Variants in MALRD1 observed in about 807,000 individuals in gnomAD.
MALRD1 encodes the protein MAM and LDL-receptor class A domain-containing protein 1.
Under a neutral mutation model 242.1 loss-of-function variants are expected in MALRD1, and 247 were observed. That is an observed-to-expected ratio of 1.02 (90% CI 0.92 to 1.13). The LOEUF is 1.13. Ranked by LOEUF, MALRD1 falls within the 50% of genes most tolerant of loss-of-function variation. MALRD1 has a pLI of 0.00. For synonymous variants in MALRD1, 995 were observed against 866.6 expected (o/e 1.15, Z -2.60); for missense variants, 2,989 against 2,533.1 (o/e 1.18, Z -3.86).
At position 19,289,065 on chromosome 10, in the gene MALRD1, A is replaced by T. The variant is rs180683453; in HGVS notation, c.3419+5884A>T. Among the ~76,000 whole-genome samples the T allele has an allele frequency of 1.8e-3, 276 of 151,938 alleles. 1 individual carries two copies. Among genetic ancestry groups the T allele is most frequent in the African/African-American group, 6.3e-3 (260 of 41,438 alleles). ...TTAATTTTTAAAGTTTTTTATTCAA[A>T]ATTTTTTTCTTTAATTTTTTTCCTT... On this transcript the variant is annotated intron_variant, in intron 21 of 39. Transcript: ENST00000454679.
chr10:19,562,297 G>GTAGATAGACAGATAGA (rs1554800905), intron 32 of MALRD1, among the ~76,000 whole-genome samples: 12 of 144,650 alleles, frequency 8.3e-5, no homozygotes, highest in African/African-American at 3.1e-4. Flanking sequence ...GCTGTCTTAG[G>GTAGATAGACAGATAGA]TAGATAGATA....
At chr10:19,490,001 A>G (rs925520996) in intron 29 of MALRD1, among the ~76,000 whole-genome samples, 2 of 152,182 alleles carry the variant, frequency 1.3e-5, no homozygotes, top group South Asian at 2.1e-4. Context: ...TGTAGGTAAC[A>G]GCTTATCAAC....
intron 10 of MALRD1, among the ~76,000 whole-genome samples, chr10:19,141,954 C>G (rs1054689904): frequency 6.6e-6 from 1 of 151,764 alleles, no homozygotes; most frequent in Non-Finnish European, 1.5e-5. Context: ...GGGTGGATCA[C>G]GAGGTCAGGA....
intron 18 of MALRD1, among the ~76,000 whole-genome samples, chr10:19,255,434 C>T (rs1046994604): frequency 6.6e-6 from 1 of 151,868 alleles, no homozygotes; most frequent in African/African-American, 2.4e-5. Context: ...TGGTCATTTT[C>T]TCAGGACTAC....
intron 36 of MALRD1, among the ~76,000 whole-genome samples, chr10:19,618,698 A>G (rs1194508082): frequency 6.6e-6 from 1 of 151,910 alleles, no homozygotes; most frequent in Non-Finnish European, 1.5e-5. Context: ...TCTTCTTGTA[A>G]ATTTGAAACC....
chr10:19,661,376 G>A (rs948869171), intron 36 of MALRD1, among the ~76,000 whole-genome samples: 25 of 152,116 alleles, frequency 1.6e-4, no homozygotes, highest in Non-Finnish European at 3.4e-4. Context: ...CAAAGACTTG[G>A]AACCAACCCA....
At position 19,123,562 on chromosome 10, in the gene MALRD1, C is replaced by A. The variant is rs915898898; in HGVS notation, c.765C>A (p.Cys255Ter). 26 of 1,233,288 alleles carry A rather than the reference C, an allele frequency of 2.1e-5. No individual in the cohort carries two copies. The highest frequency in any genetic ancestry group is 3.1e-5 in the African/African-American group (2 of 64,462). The allele number at this position is 1,233,288 out of a possible 1,614,324, so 76.4% of individuals were successfully genotyped here. ...TATGCCATCCAGATACAGATCTCTG[C>A]AGATTTGATGCTACAGATGAAGAGT... Reference protein sequence around the residue: ...RELCHPDTDLCRFDATDEELR... With the variant: ...RELCHPDTDL Residue 255 changes from cysteine to a stop codon, truncating the protein, a stop_gained, in exon 6 of 40, where the codon TGC becomes TGA. Transcript: ENST00000454679. LOFTEE classifies it high-confidence loss of function.
At chr10:19,104,096 T>G in intron 5 of MALRD1, 21 bp downstream of exon 5, 1 of 1,184,332 alleles carries the variant, frequency 8.4e-7, no homozygotes, top group Non-Finnish European at 1.1e-6. Flanking sequence ...TTTCTCTCAT[T>G]TTGATCTTTA....
At chr10:19,617,510 A>G (rs752280921) in intron 36 of MALRD1, among the ~76,000 whole-genome samples, 5 of 152,050 alleles carry the variant, frequency 3.3e-5, no homozygotes, top group Non-Finnish European at 7.4e-5. Flanking sequence ...CTTTGTCCAT[A>G]TTGTAATAGC....
At chr10:19,458,540 G>T (rs1333451203) in intron 29 of MALRD1, among the ~76,000 whole-genome samples, 1 of 152,130 alleles carries the variant, frequency 6.6e-6, no homozygotes, top group Non-Finnish European at 1.5e-5. Flanking sequence ...AACAGATGCT[G>T]TCTTTTTGAA....
intron 12 of MALRD1, 79 bp from the exon 13 acceptor site, chr10:19,165,558 G>T (rs951567757): frequency 6.5e-5 from 72 of 1,109,556 alleles, no homozygotes; most frequent in Non-Finnish European, 8.0e-5. Flanking sequence ...CTGAGGTCAG[G>T]AATATTTCAA....
At chr10:19,057,193 CT>C (rs1195331264) in intron 1 of MALRD1, among the ~76,000 whole-genome samples, 1 of 152,130 alleles carries the variant, frequency 6.6e-6, no homozygotes, top group Admixed American at 6.6e-5. Flanking sequence ...CATAAAATGA[CT>C]TTTTACCTAT....
chr10:19,154,984 T>G, intron 11 of MALRD1, 91 bp from the exon 12 acceptor site: 1 of 628,228 alleles, frequency 1.6e-6, no homozygotes, highest in Non-Finnish European at 2.3e-6. Context: ...AATTGATAGT[T>G]TAGCATGTGC....
At chr10:19,526,918 C>T (rs1371897568) in intron 31 of MALRD1, among the ~76,000 whole-genome samples, 1 of 152,050 alleles carries the variant, frequency 6.6e-6, no homozygotes, top group Non-Finnish European at 1.5e-5. Context: ...GTGACATTTA[C>T]TGGGGAAAAT....
intron 21 of MALRD1, among the ~76,000 whole-genome samples, chr10:19,294,604 A>T (rs1426719419): frequency 6.6e-6 from 1 of 152,298 alleles, no homozygotes; most frequent in South Asian, 2.1e-4. Flanking sequence ...TTACTGAAAG[A>T]GTGGTCCACT....
chr10:19,428,514 T>C (rs543680490), intron 28 of MALRD1, among the ~76,000 whole-genome samples: 1 of 152,198 alleles, frequency 6.6e-6, no homozygotes, highest in East Asian at 1.9e-4. Flanking sequence ...TTTTCCTTCA[T>C]AAACACCACC....
Position 19,146,278 on chromosome 10 carries a change from A to G in MALRD1, c.1492A>G (p.Met498Val). The G allele has an allele frequency of 8.1e-7, 1 of 1,231,660 alleles. No individual in the cohort carries two copies. The highest frequency in any genetic ancestry group is 1.0e-6 in the Non-Finnish European group (1 of 987,920). 76.3% of individuals were successfully genotyped at this position (1,231,660 alleles called of 1,614,324 possible). A position where few individuals can be genotyped will look rare whatever the true frequency, so the allele number is the denominator to read the frequency against. Residue 498 changes from methionine to valine, a missense_variant, in exon 11 of 40, where the codon ATG (methionine) becomes GTG (valine). Met to Val is a conservative substitution (Grantham distance 21, BLOSUM62 1). Coordinates refer to ENST00000454679, the MANE Select transcript of MALRD1 (RefSeq NM_001142308.3). ...CACAGAAGATTCACACTGGAAGCTG[A>G]TGAAAGGATTGAATAATGGAGAGCA... ...FLTEDSHWKL[M>V]KGLNNGEHHF... is the part of the protein sequence containing the mutation.
intron 38 of MALRD1, among the ~76,000 whole-genome samples, chr10:19,719,167 T>C (rs892714761): frequency 9.1e-5 from 8 of 87,452 alleles, no homozygotes; most frequent in African/African-American, 5.1e-4. Context: ...TATATATATA[T>C]ATACATACAT....
At chr10:19,073,475 G>T (rs1052687558) in intron 2 of MALRD1, among the ~76,000 whole-genome samples, 6 of 151,988 alleles carry the variant, frequency 3.9e-5, no homozygotes, top group African/African-American at 1.4e-4. Context: ...CTTTTTGAGG[G>T]CAAATATGAT....
Sources: allele counts gnomAD v4.1 joint callset (sites outside exome capture counted in the v4.1 genomes callset), GRCh38; gene constraint gnomAD v4.1.1; transcripts MANE v1.5; gene names NCBI Gene and HGNC (gene_info 2026-07-23, HGNC 2026-07-21).